The following FRMD4B variants were observed in gnomAD, a reference collection of about 807,000 sequenced individuals.
The protein encoded by FRMD4B is FERM domain containing 4B, also known as FERM domain-containing protein 4B.
In FRMD4B, 74 loss-of-function variants were observed where a neutral mutation model predicts 141.5. That is an observed-to-expected ratio of 0.52 (90% CI 0.43 to 0.63). The LOEUF (loss-of-function observed/expected upper bound fraction) is 0.63. Ranked by LOEUF, FRMD4B falls within the 30% of genes least tolerant of loss-of-function variation. The pLI is 0.00. For synonymous variants in FRMD4B, 506 were observed against 467.9 expected, an observed-to-expected ratio of 1.08 and a Z score of -1.05; for missense variants, 1,366 against 1,253.4, an observed-to-expected ratio of 1.09 and a Z score of -1.36.
intron 5 of FRMD4B, among the ~76,000 whole-genome samples, chr3:69,254,265 C>T (rs921525848): frequency 1.3e-5 from 2 of 151,958 alleles, no homozygotes; most frequent in Non-Finnish European, 2.9e-5. Context: ...CTACCATGCC[C>T]GGCTAATTTT....
At chr3:69,367,089 T>C (rs528676540) in intron 1 of FRMD4B, among the ~76,000 whole-genome samples, 7 of 152,084 alleles carry the variant, frequency 4.6e-5, no homozygotes, top group African/African-American at 1.4e-4. Context: ...TAAATGGACA[T>C]ACTAGACAAA....
intron 1 of FRMD4B, among the ~76,000 whole-genome samples, chr3:69,497,608 A>G (rs190809412): frequency 7.2e-5 from 11 of 152,252 alleles, no homozygotes; most frequent in African/African-American, 2.6e-4. Flanking sequence ...TGTCTTCCCC[A>G]TGGGATTTTT....
chr3:69,409,587 C>G (rs4411887), intron 2 of FRMD4B, among the ~76,000 whole-genome samples: 121 of 152,268 alleles, frequency 7.9e-4, no homozygotes, highest in African/African-American at 2.8e-3. Flanking sequence ...ATTATCCACC[C>G]CTCCCTCACA....
At position 69,455,568 on chromosome 3, in the gene FRMD4B, A is replaced by C. The variant is rs566186290; in HGVS notation, c.-128-22807T>G. 3.3e-5 allele frequency among the ~76,000 whole-genome samples: 5 copies of C among 152,318 alleles called. No individual in the cohort carries two copies. The South Asian group carries it at 8.3e-4, about 25-fold the overall frequency. On this transcript the variant is annotated intron_variant, in intron 1 of 5. Coordinates refer to the FRMD4B transcript ENST00000459638. ...AAGGAAGAAACTACGAACACGTCCG[A>C]CGGAACATCAGAAGGAACAAACCCT...
chr3:69,227,886 A>T (rs893621182), intron 7 of FRMD4B, among the ~76,000 whole-genome samples: 1 of 151,760 alleles, frequency 6.6e-6, no homozygotes. Flanking sequence ...CTAATGCAAG[A>T]TGTTAATAAT....
chr3:69,188,114 T>C (rs957806550), intron 18 of FRMD4B, among the ~76,000 whole-genome samples, 197 bp from the exon 19 acceptor site: 2 of 152,192 alleles, frequency 1.3e-5, no homozygotes, highest in Non-Finnish European at 2.9e-5. Context: ...ACGAAAATAC[T>C]GAACACTCTT....
intron 7 of FRMD4B, among the ~76,000 whole-genome samples, chr3:69,233,536 C>A (rs1242815642): frequency 1.3e-5 from 2 of 150,884 alleles, no homozygotes; most frequent in Non-Finnish European, 2.9e-5. Context: ...TTCACCTACA[C>A]ATAATTGTAA....
At chr3:69,305,162 A>C (rs1701351953) in intron 3 of FRMD4B, among the ~76,000 whole-genome samples, 1 of 152,166 alleles carries the variant, frequency 6.6e-6, no homozygotes, top group African/African-American at 2.4e-5. Context: ...CTTGTATATA[A>C]AAGTACCCGG....
At chr3:69,442,341 C>G (rs1272446764) in intron 1 of FRMD4B, among the ~76,000 whole-genome samples, 1 of 152,106 alleles carries the variant, frequency 6.6e-6, no homozygotes, top group African/African-American at 2.4e-5. Context: ...TTCAGCCTCC[C>G]AAAGTGCTGG....
rs111861160 is a variant in FRMD4B at position 69,178,315 on chromosome 3, A to G, written c.2852-1659T>C. ...TGAGGTGTTGACTAACAGATGTAAC[A>G]CTCTGAGTTTGAGCTTCCAAGCCAT... On this transcript the variant is annotated intron_variant, in intron 21 of 22. Transcript: ENST00000398540. 5.0e-3 allele frequency among the ~76,000 whole-genome samples: 746 copies of G among 149,834 alleles called. 2 individuals carry two copies. The highest frequency in any genetic ancestry group is 7.9e-3 in the Non-Finnish European group (533 of 67,074).
chr3:69,450,133 CA>C lies in FRMD4B; in HGVS notation c.-128-17373del, dbSNP rs1317396394. ...ATGAGGTGAGATGAAATTTGTAAAG[CA>C]TCTCATACAATGCCTGCAGACAATA... is the stretch of plus-strand genomic sequence containing the variant. On this transcript the variant is annotated intron_variant, in intron 1 of 5. Transcript: ENST00000459638. 5.7e-3 allele frequency among the ~76,000 whole-genome samples: 865 copies of C among 152,322 alleles called. 9 individuals carry two copies. The highest frequency in any genetic ancestry group is 0.02 in the African/African-American group (817 of 41,570).
intron 1 of FRMD4B, among the ~76,000 whole-genome samples, chr3:69,473,863 G>A (rs946739897): frequency 6.6e-6 from 1 of 152,118 alleles, no homozygotes; most frequent in Non-Finnish European, 1.5e-5. Flanking sequence ...AACAAGAGAA[G>A]GCTGCTTCTA....
chr3:69,374,831 T>G (rs1412414193), intron 1 of FRMD4B, among the ~76,000 whole-genome samples: 1 of 152,126 alleles, frequency 6.6e-6, no homozygotes, highest in African/African-American at 2.4e-5. Context: ...GGCCATCCAG[T>G]CTACAATTCT....
chr3:69,505,033 T>C (rs1297281656), intron 1 of FRMD4B, among the ~76,000 whole-genome samples: 2 of 152,102 alleles, frequency 1.3e-5, no homozygotes, highest in East Asian at 1.9e-4. Flanking sequence ...TTCTATCCTC[T>C]TTTGGATATC....
At chr3:69,426,284 T>C (rs1300533290) in intron 2 of FRMD4B, among the ~76,000 whole-genome samples, 1 of 152,038 alleles carries the variant, frequency 6.6e-6, no homozygotes, top group Non-Finnish European at 1.5e-5. Context: ...AATGAATAGG[T>C]TTTCATTATT....
chr3:69,197,466 T>A (rs573991477), intron 12 of FRMD4B, among the ~76,000 whole-genome samples: 29 of 152,172 alleles, frequency 1.9e-4, no homozygotes, highest in African/African-American at 6.7e-4. Context: ...TTTGGCCGGC[T>A]CTGACATTAT....
chr3:69,420,242 G>A (rs1704948744), intron 2 of FRMD4B, among the ~76,000 whole-genome samples: 1 of 145,186 alleles, frequency 6.9e-6, no homozygotes, highest in African/African-American at 2.6e-5. Flanking sequence ...GATTAAACTG[G>A]CAGAATCGCT....
intron 1 of FRMD4B, among the ~76,000 whole-genome samples, chr3:69,479,185 T>A (rs1427405894): frequency 2.0e-5 from 3 of 151,202 alleles, no homozygotes; most frequent in African/African-American, 7.3e-5. Context: ...GTCTTTTAAT[T>A]GGAGCATTTA....
At chr3:69,301,276 T>C (rs1042305948) in intron 4 of FRMD4B, among the ~76,000 whole-genome samples, 2 of 152,156 alleles carry the variant, frequency 1.3e-5, no homozygotes, top group Non-Finnish European at 2.9e-5. Flanking sequence ...CAATCAGTAA[T>C]GATTTCACCT....
Sources: gnomAD v4.1 joint callset for allele counts (sites outside exome capture counted in the v4.1 genomes callset) on GRCh38, gnomAD v4.1.1 for gene constraint, MANE v1.5 for transcripts, NCBI Gene and HGNC (gene_info 2026-07-23, HGNC 2026-07-21) for gene names.